The following RALYL variants were observed in gnomAD, a reference collection of about 807,000 sequenced individuals.
RALYL encodes RALY RNA binding protein like.
RALYL carries 29 observed loss-of-function variants against 35.1 expected under a neutral mutation model. That is an observed-to-expected ratio of 0.83 (90% CI 0.61 to 1.13). RALYL has a LOEUF of 1.13. Ranked by LOEUF, RALYL falls within the 50% of genes most tolerant of loss-of-function variation. RALYL has a pLI of 0.00. For synonymous variants in RALYL, 120 were observed against 127.6 expected (o/e 0.94, Z 0.40); for missense variants, 359 against 360.4 (o/e 1.00, Z 0.03).
chr8:84,910,940 A>T (rs1847407640), intron 8 of RALYL, among the ~76,000 whole-genome samples: 1 of 152,054 alleles, frequency 6.6e-6, no homozygotes, highest in African/African-American at 2.4e-5. Flanking sequence ...TCATTTTCTG[A>T]TATTCATGGG....
intron 1 of RALYL, among the ~76,000 whole-genome samples, chr8:84,294,819 T>G (rs1382918778): frequency 6.6e-6 from 1 of 151,994 alleles, no homozygotes; most frequent in Non-Finnish European, 1.5e-5. Context: ...TGGAGGTTGT[T>G]GGCATGGGGA....
intron 8 of RALYL, among the ~76,000 whole-genome samples, chr8:84,896,205 G>T (rs904864466): frequency 6.6e-6 from 1 of 152,104 alleles, no homozygotes; most frequent in Non-Finnish European, 1.5e-5. Context: ...GATCCCTTCA[G>T]GTCTCATTGT....
intron 2 of RALYL, among the ~76,000 whole-genome samples, chr8:84,640,808 A>C (rs1381822608): frequency 6.6e-6 from 1 of 151,990 alleles, no homozygotes; most frequent in African/African-American, 2.4e-5. Context: ...ACAGGATATA[A>C]AATTAAAAAT....
chr8:84,237,316 C>G (rs147615086), intron 1 of RALYL, among the ~76,000 whole-genome samples: 1 of 152,050 alleles, frequency 6.6e-6, no homozygotes, highest in South Asian at 2.1e-4. Flanking sequence ...GTGGATGAGA[C>G]CACTGTGTAC....
intron 4 of RALYL, among the ~76,000 whole-genome samples, chr8:84,840,684 A>T (rs1246679930): frequency 6.6e-6 from 1 of 152,218 alleles, no homozygotes; most frequent in Non-Finnish European, 1.5e-5. Context: ...CCAAATTTGA[A>T]ATGAAGGAAA....
chr8:84,528,378 G>A (rs2059054585), intron 1 of RALYL, among the ~76,000 whole-genome samples: 1 of 151,870 alleles, frequency 6.6e-6, no homozygotes. Flanking sequence ...AAGGAAGGAA[G>A]GAATTTTCAA....
intron 8 of RALYL, among the ~76,000 whole-genome samples, chr8:84,913,887 CACTT>C (rs1847985562): frequency 6.6e-6 from 1 of 151,698 alleles, no homozygotes; most frequent in Non-Finnish European, 1.5e-5. Context: ...CATACTATTT[CACTT>C]ACTGTCAGAT....
chr8:84,638,180 T>C (rs1055185649), intron 2 of RALYL, among the ~76,000 whole-genome samples: 1 of 151,944 alleles, frequency 6.6e-6, no homozygotes, highest in Non-Finnish European at 1.5e-5. Flanking sequence ...TGCAAATACA[T>C]GGAAATTAAA....
At chr8:84,724,097 A>T (rs1844501655) in intron 2 of RALYL, among the ~76,000 whole-genome samples, 1 of 151,796 alleles carries the variant, frequency 6.6e-6, no homozygotes, top group African/African-American at 2.4e-5. Flanking sequence ...TACTTTTAAA[A>T]CTTCTGCTTA....
At chr8:84,423,271 T>G (rs2045904406) in intron 1 of RALYL, among the ~76,000 whole-genome samples, 2 of 151,618 alleles carry the variant, frequency 1.3e-5, no homozygotes, top group South Asian at 4.2e-4. Context: ...AGTTAGCTCT[T>G]CTTGTTGAAT....
At chr8:84,410,966 A>T (rs2044041110) in intron 1 of RALYL, among the ~76,000 whole-genome samples, 1 of 151,956 alleles carries the variant, frequency 6.6e-6, no homozygotes, top group Non-Finnish European at 1.5e-5. Context: ...CACTGAAAGT[A>T]GGAAATATTT....
At chr8:84,415,205 G>GTTTTTTT (rs33962115) in intron 1 of RALYL, among the ~76,000 whole-genome samples, 3 of 54,664 alleles carry the variant, frequency 5.5e-5, no homozygotes, top group African/African-American at 5.2e-5. Context: ...GCAGACACTC[G>GTTTTTTT]TTTTTTTTTT....
At chr8:84,257,470 C>T (rs974615907) in intron 1 of RALYL, among the ~76,000 whole-genome samples, 1 of 152,026 alleles carries the variant, frequency 6.6e-6, no homozygotes, top group African/African-American at 2.4e-5. Context: ...AAAATGAAGA[C>T]CCACTTAATT....
chr8:84,835,514 A>AT (rs1831789871), intron 4 of RALYL, among the ~76,000 whole-genome samples: 1 of 150,144 alleles, frequency 6.7e-6, no homozygotes, highest in South Asian at 2.1e-4. Flanking sequence ...AAAAAAAAAA[A>AT]AAAAAAAAAA....
intron 8 of RALYL, among the ~76,000 whole-genome samples, chr8:84,890,914 G>A (rs1449155189): frequency 6.6e-6 from 1 of 152,074 alleles, no homozygotes; most frequent in East Asian, 1.9e-4. Context: ...AAAGGAACAC[G>A]GTTGTGGGGG....
intron 1 of RALYL, among the ~76,000 whole-genome samples, chr8:84,389,272 A>G (rs1446455729): frequency 6.6e-6 from 1 of 152,148 alleles, no homozygotes; most frequent in Non-Finnish European, 1.5e-5. Flanking sequence ...GAAGTCAGGT[A>G]GCATGATGCT....
At chr8:84,442,201 C>G (rs1198396335) in intron 1 of RALYL, among the ~76,000 whole-genome samples, 2 of 152,016 alleles carry the variant, frequency 1.3e-5, no homozygotes, top group Non-Finnish European at 2.9e-5. Flanking sequence ...TCTTGTTATA[C>G]TCATTTTTGT....
At chr8:84,714,863 T>A (rs1842729052) in intron 2 of RALYL, among the ~76,000 whole-genome samples, 1 of 151,948 alleles carries the variant, frequency 6.6e-6, no homozygotes, top group South Asian at 2.1e-4. Context: ...CATAGGGCTG[T>A]TACAGTTAAC....
chr8:84,697,664 C>T (rs1270066510), intron 2 of RALYL, among the ~76,000 whole-genome samples: 6 of 151,964 alleles, frequency 3.9e-5, no homozygotes, highest in Admixed American at 3.9e-4. Context: ...TGGGGGTTTG[C>T]TGTACAGATT....
Sources: allele counts gnomAD v4.1 joint callset (sites outside exome capture counted in the v4.1 genomes callset), GRCh38; gene constraint gnomAD v4.1.1; transcripts MANE v1.5; gene names NCBI Gene and HGNC (gene_info 2026-07-23, HGNC 2026-07-21).